Variants in TOM1 observed in about 807,000 individuals in gnomAD.
TOM1 encodes the protein target of Myb protein 1.
Under a neutral mutation model 61.3 loss-of-function variants are expected in TOM1, and 38 were observed. The observed-to-expected ratio is 0.62, with a 90% CI of 0.48 to 0.81. The LOEUF (loss-of-function observed/expected upper bound fraction) is 0.81, where lower values mean the gene tolerates loss of function less well. Ranked by LOEUF, TOM1 falls within the 40% of genes least tolerant of loss-of-function variation. The pLI is 0.00. For missense variants in TOM1, 591 were observed against 659.6 expected, an observed-to-expected ratio of 0.90 and a Z score of 1.14; for synonymous variants, 270 against 268.8, an observed-to-expected ratio of 1.00 and a Z score of -0.04.
intron 6 of TOM1, among the ~76,000 whole-genome samples, chr22:35,325,818 G>A (rs956574244): frequency 5.3e-5 from 8 of 152,154 alleles, no homozygotes; most frequent in South Asian, 4.1e-4. Flanking sequence ...TGTTTAATTC[G>A]AGAGTCCCCT....
At chr22:35,341,285 G>A (rs186063073) in intron 12 of TOM1, among the ~76,000 whole-genome samples, 4 of 152,280 alleles carry the variant, frequency 2.6e-5, no homozygotes, top group African/African-American at 7.2e-5. Flanking sequence ...CACACACTAC[G>A]GTATTACGGC....
intron 6 of TOM1, 47 bp from the exon 7 acceptor site, chr22:35,327,224 G>A (rs1300756092): frequency 1.3e-6 from 2 of 1,569,426 alleles, no homozygotes; most frequent in Non-Finnish European, 1.8e-6. Context: ...AGTAACATGG[G>A]CCCCAGAACC....
At chr22:35,314,320 G>A (rs1441783310) in intron 1 of TOM1, among the ~76,000 whole-genome samples, 3 of 151,896 alleles carry the variant, frequency 2.0e-5, no homozygotes, top group Admixed American at 2.0e-4. Context: ...TCTCGTTTAG[G>A]CCACATATCC....
chr22:35,301,996 C>CTTAA (rs1448511641), intron 1 of TOM1, among the ~76,000 whole-genome samples: 4 of 152,224 alleles, frequency 2.6e-5, no homozygotes, highest in African/African-American at 9.6e-5. Context: ...GCCACATACT[C>CTTAA]TTAAGGCTTT....
chr22:35,332,933 G>A, intron 8 of TOM1, 48 bp from the exon 9 acceptor site: 2 of 1,603,442 alleles, frequency 1.2e-6, no homozygotes, highest in East Asian at 4.5e-5. Context: ...CGTGTGTGGG[G>A]GCCTGTCTCA....
At chr22:35,314,042 C>G (rs996365469) in intron 1 of TOM1, among the ~76,000 whole-genome samples, 6 of 152,214 alleles carry the variant, frequency 3.9e-5, no homozygotes, top group Admixed American at 1.3e-4. Flanking sequence ...AGAACAAAAA[C>G]AAAGCAAATA....
At chr22:35,334,750 G>A (rs1484355131) in intron 11 of TOM1, among the ~76,000 whole-genome samples, 1 of 152,178 alleles carries the variant, frequency 6.6e-6, no homozygotes, top group Non-Finnish European at 1.5e-5. Context: ...AGGCTCATTT[G>A]CCCCAGGTCA....
chr22:35,333,652 G>C (rs1017854470), intron 10 of TOM1, among the ~76,000 whole-genome samples, 155 bp downstream of exon 10: 2 of 152,126 alleles, frequency 1.3e-5, no homozygotes, highest in African/African-American at 4.8e-5. Flanking sequence ...CTGCAAGGTG[G>C]GGCACTCGGG....
intron 2 of TOM1, among the ~76,000 whole-genome samples, chr22:35,321,565 A>G (rs1927789703): frequency 6.6e-6 from 1 of 151,668 alleles, no homozygotes; most frequent in Non-Finnish European, 1.5e-5. Context: ...CGCCCGGCAA[A>G]TTTTTGTATT....
intron 13 of TOM1, among the ~76,000 whole-genome samples, chr22:35,346,160 T>C (rs1930489648): frequency 6.6e-6 from 1 of 152,180 alleles, no homozygotes; most frequent in East Asian, 1.9e-4. Context: ...CACCACCCTG[T>C]TTACAGATCA....
At chr22:35,339,016 T>C (rs1471405458) in intron 12 of TOM1, among the ~76,000 whole-genome samples, 1 of 152,194 alleles carries the variant, frequency 6.6e-6, no homozygotes, top group African/African-American at 2.4e-5. Context: ...AAGCAAGGAT[T>C]CAGACCTGAG....
chr22:35,300,692 C>T (rs539117294), intron 1 of TOM1, among the ~76,000 whole-genome samples: 22 of 152,318 alleles, frequency 1.4e-4, no homozygotes, highest in Non-Finnish European at 2.9e-5. Flanking sequence ...GGGCACCTGG[C>T]GCCTGTCTGC....
chr22:35,304,469 GTTTTGTT>G (rs1054517987), intron 1 of TOM1, among the ~76,000 whole-genome samples: 16 of 152,104 alleles, frequency 1.1e-4, no homozygotes, highest in African/African-American at 3.9e-4. Context: ...TACTGGATCT[GTTTTGTT>G]TTTTGTTTTT....
At chr22:35,335,294 T>G (rs1368980487) in intron 11 of TOM1, among the ~76,000 whole-genome samples, 13 of 152,184 alleles carry the variant, frequency 8.5e-5, no homozygotes, top group Admixed American at 8.5e-4. Context: ...CATTCTGGTG[T>G]CTTTTGGAAC....
At chr22:35,320,028 CGGAT>C (rs1569025240) in intron 2 of TOM1, among the ~76,000 whole-genome samples, 1 of 152,232 alleles carries the variant, frequency 6.6e-6, no homozygotes, top group African/African-American at 2.4e-5. Flanking sequence ...GGCAGACAGC[CGGAT>C]GGGTCCCAGT....
chr22:35,340,231 G>A (rs1374526323), intron 12 of TOM1, among the ~76,000 whole-genome samples: 1 of 152,212 alleles, frequency 6.6e-6, no homozygotes, highest in Non-Finnish European at 1.5e-5. Context: ...TGGACCTGGG[G>A]CCGAGGAGGC....
intron 14 of TOM1, 25 bp from the exon 15 acceptor site, chr22:35,347,030 C>G (rs1441238641): frequency 3.9e-6 from 6 of 1,556,218 alleles, no homozygotes; most frequent in Non-Finnish European, 5.2e-6. Context: ...TCAGGGCCTA[C>G]CCTCACCCTC....
chr22:35,341,675 G>A (rs1929894003), intron 12 of TOM1, among the ~76,000 whole-genome samples: 1 of 152,124 alleles, frequency 6.6e-6, no homozygotes, highest in Non-Finnish European at 1.5e-5. Context: ...TTCCCTAGGG[G>A]CACACAGCAA....
At chr22:35,337,782 A>G (rs1929503715) in intron 11 of TOM1, among the ~76,000 whole-genome samples, 1 of 152,208 alleles carries the variant, frequency 6.6e-6, no homozygotes, top group Non-Finnish European at 1.5e-5. Flanking sequence ...CTTTGTGACC[A>G]GAATTCTGTG....
Sources: allele counts gnomAD v4.1 joint callset (sites outside exome capture counted in the v4.1 genomes callset), GRCh38; gene constraint gnomAD v4.1.1; transcripts MANE v1.5; gene names NCBI Gene and HGNC (gene_info 2026-07-23, HGNC 2026-07-21).